RUNX1: variants seen among roughly 807,000 people sequenced by gnomAD.
RUNX1 encodes the protein runt-related transcription factor 1.
RUNX1 carries 19 observed loss-of-function variants against 42.8 expected under a neutral mutation model. The observed-to-expected ratio is 0.44, with a 90% confidence interval of 0.31 to 0.65. The LOEUF is 0.65. Ranked by LOEUF, RUNX1 falls within the 30% of genes least tolerant of loss-of-function variation. The probability of loss-of-function intolerance (pLI) is 0.07; values close to 1 mark genes in which losing one functional copy is unlikely to be tolerated. For missense variants in RUNX1, 528 were observed against 672.0 expected, an observed-to-expected ratio of 0.79 and a Z score of 2.37; for synonymous variants, 271 against 289.4, an observed-to-expected ratio of 0.94 and a Z score of 0.64.
At chr21:34,858,446 A>AT (rs1238059625) in intron 6 of RUNX1, among the ~76,000 whole-genome samples, 2 of 152,162 alleles carry the variant, frequency 1.3e-5, no homozygotes, top group Non-Finnish European at 2.9e-5. Flanking sequence ...AGAAGCTCTC[A>AT]TTATTATCCC....
At chr21:34,964,007 CATT>C (rs1306457082) in intron 2 of RUNX1, among the ~76,000 whole-genome samples, 1 of 152,206 alleles carries the variant, frequency 6.6e-6, no homozygotes, top group Admixed American at 6.5e-5. Flanking sequence ...TTCATTCATT[CATT>C]CCAGGTTTTA....
At chr21:34,865,987 T>A (rs543815992) in intron 5 of RUNX1, among the ~76,000 whole-genome samples, 201 of 152,312 alleles carry the variant, frequency 1.3e-3, no homozygotes, top group African/African-American at 4.6e-3. Context: ...ACTCCTGTTG[T>A]GACTCGGCCT....
Position 34,843,797 on chromosome 21 carries a change from C to T in RUNX1, c.614-9196G>A, listed in dbSNP as rs1172096467. On this transcript the variant is annotated intron_variant, in intron 6 of 8. Coordinates refer to ENST00000675419, the MANE Select transcript of RUNX1 (RefSeq NM_001754.5). This position sits in a 1 kb window ranked among gnomAD's most constrained non-coding sequence, Gnocchi z 4.8. ...GTTTTTCGCCCACTCACATGAGACT[C>T]GGGCCTCTCCTAAAAGCAGAGCACT... 2.6e-5 allele frequency among the ~76,000 whole-genome samples: 4 copies of T among 152,124 alleles called. No individual in the cohort carries two copies. The highest frequency in any genetic ancestry group is 2.9e-5 in the Non-Finnish European group (2 of 68,024).
intron 8 of RUNX1, among the ~76,000 whole-genome samples, chr21:34,794,445 T>G (rs1449201419): frequency 2.0e-5 from 3 of 152,238 alleles, no homozygotes; most frequent in African/African-American, 7.2e-5. Flanking sequence ...TATTCTCTAT[T>G]ATGCACTTCA....
intron 4 of RUNX1, among the ~76,000 whole-genome samples, chr21:34,882,663 C>G (rs2057922426): frequency 6.6e-6 from 1 of 151,332 alleles, no homozygotes; most frequent in South Asian, 2.1e-4. Flanking sequence ...ATAAATCTCC[C>G]TGATCAGTTA....
chr21:34,953,177 G>C (rs2058621216), intron 2 of RUNX1, among the ~76,000 whole-genome samples: 1 of 151,658 alleles, frequency 6.6e-6, no homozygotes, highest in African/African-American at 2.4e-5. Flanking sequence ...GCGTCTACGT[G>C]AACTTAATTT....
chr21:35,001,331 T>TAC (rs1245009119), intron 2 of RUNX1, among the ~76,000 whole-genome samples: 1 of 145,852 alleles, frequency 6.9e-6, no homozygotes, highest in Non-Finnish European at 1.5e-5. Flanking sequence ...TATATATATA[T>TAC]ATACGCATAT....
chr21:35,047,561 A>ACT lies in RUNX1; in HGVS notation c.58+1279_58+1280dup, dbSNP rs55862184. 7.3e-3 allele frequency among the ~76,000 whole-genome samples: 342 copies of ACT among 46,806 alleles called. 7 individuals carry two copies. Among genetic ancestry groups the ACT allele is most frequent in the Admixed American group, 9.9e-3 (40 of 4,056 alleles). 30.7% of individuals were successfully genotyped at this position (46,806 alleles called of 152,430 possible). A position where few individuals can be genotyped will look rare whatever the true frequency, so the allele number is the denominator to read the frequency against. On this transcript the variant is annotated intron_variant, in intron 2 of 8. Coordinates refer to ENST00000675419, the MANE Select transcript of RUNX1 (RefSeq NM_001754.5). ...CACACACACACACACACACACACAC[A>ACT]CTCTCTCTCTCTCTCTCTCTCTCTC...
chr21:34,855,534 G>A lies in RUNX1; in HGVS notation c.613+3940C>T, dbSNP rs549884572. Reference sequence around the variant, plus strand: ...AGGCTGGCCAACATGGTGAAACCCCGTCTCTACTAAAAATACAAAAATTAG... The same window carrying A: ...AGGCTGGCCAACATGGTGAAACCCCATCTCTACTAAAAATACAAAAATTAG... On this transcript the variant is annotated intron_variant, in intron 6 of 8. Coordinates refer to ENST00000675419, the MANE Select transcript of RUNX1 (RefSeq NM_001754.5). Among the ~76,000 whole-genome samples the A allele has an allele frequency of 3.3e-5, 5 of 152,158 alleles. No homozygotes were observed. In the East Asian group the frequency reaches 5.8e-4, roughly 18 times the overall value.
At chr21:34,834,699 T>A in intron 6 of RUNX1, 98 bp from the exon 7 acceptor site, 1 of 1,085,048 alleles carries the variant, frequency 9.2e-7, no homozygotes, top group East Asian at 2.6e-5. Flanking sequence ...CTGGGGCTTT[T>A]CTTGTCTTTC....
intron 4 of RUNX1, among the ~76,000 whole-genome samples, chr21:34,885,746 T>G (rs1015473990): frequency 6.6e-5 from 10 of 152,196 alleles, no homozygotes; most frequent in Non-Finnish European, 1.3e-4. Context: ...GGACAATTAT[T>G]TAAACTTTTT....
chr21:35,047,520 C>T (rs1211725373), intron 2 of RUNX1, among the ~76,000 whole-genome samples: 2 of 60,782 alleles, frequency 3.3e-5, no homozygotes, highest in Non-Finnish European at 6.3e-5. Flanking sequence ...CTCCAACACA[C>T]ACACACACAC....
In RUNX1 at chr21:35,030,643, G is replaced by T. The variant is rs553746876; in HGVS notation, c.58+18199C>A. On this transcript the variant is annotated intron_variant, in intron 2 of 8. Transcript: ENST00000675419. Reference sequence around the variant, plus strand: ...TACTGGAAGAAAACACAGGGGAGAGGCTTCTTGCCATTGGTCTGGGCAAAG... The same window carrying T: ...TACTGGAAGAAAACACAGGGGAGAGTCTTCTTGCCATTGGTCTGGGCAAAG... 7.2e-5 allele frequency among the ~76,000 whole-genome samples: 11 copies of T among 152,246 alleles called. No homozygotes were observed. In the East Asian group the frequency reaches 2.1e-3, roughly 29 times the overall value.
intron 2 of RUNX1, among the ~76,000 whole-genome samples, chr21:34,921,595 C>T (rs187419057): frequency 2.4e-3 from 361 of 152,036 alleles, no homozygotes; most frequent in African/African-American, 8.2e-3. Flanking sequence ...AACAAGAGTG[C>T]ACAAATATAA....
chr21:35,005,585 C>T (rs868651968), intron 2 of RUNX1, among the ~76,000 whole-genome samples: 2 of 152,208 alleles, frequency 1.3e-5, no homozygotes, highest in Non-Finnish European at 2.9e-5. Context: ...TCATCCCTGG[C>T]ACCTAATCAT....
At chr21:34,885,505 A>G (rs1410262690) in intron 4 of RUNX1, among the ~76,000 whole-genome samples, 1 of 152,212 alleles carries the variant, frequency 6.6e-6, no homozygotes, top group African/African-American at 2.4e-5. Flanking sequence ...AACAAAAAAA[A>G]CTGCTTTTAG....
At chr21:35,011,332 C>T (rs566375851) in intron 2 of RUNX1, among the ~76,000 whole-genome samples, 1 of 152,166 alleles carries the variant, frequency 6.6e-6, no homozygotes, top group South Asian at 2.1e-4. Flanking sequence ...GGCAACTTTC[C>T]TACCGAGACT....
intron 2 of RUNX1, among the ~76,000 whole-genome samples, chr21:34,926,441 A>G (rs2058394074): frequency 7.2e-6 from 1 of 139,344 alleles, no homozygotes; most frequent in Non-Finnish European, 1.5e-5. Context: ...CAACCTGGGC[A>G]ACAGAGTGAG....
chr21:34,992,467 G>A (rs911074455), intron 2 of RUNX1, among the ~76,000 whole-genome samples: 7 of 152,016 alleles, frequency 4.6e-5, no homozygotes, highest in Admixed American at 1.3e-4. Context: ...CATGAGTCAG[G>A]TACTGTTCTG....
Sources: gnomAD v4.1 joint callset for allele counts (sites outside exome capture counted in the v4.1 genomes callset) on GRCh38, gnomAD v4.1.1 for gene constraint, Gnocchi (gnomAD v3.1) non-coding constraint, MANE v1.5 for transcripts, NCBI Gene and HGNC (gene_info 2026-07-23, HGNC 2026-07-21) for gene names.